Variants in CFAP20DC observed in about 807,000 individuals in gnomAD.
CFAP20DC encodes the protein protein CFAP20DC.
A neutral mutation model predicts 101.7 loss-of-function variants in CFAP20DC; 84 were observed. The ratio of observed to expected loss-of-function variants is 0.83; its 90% CI spans 0.69 to 0.99. The LOEUF (loss-of-function observed/expected upper bound fraction) is 0.99, where lower values mean the gene tolerates loss of function less well. Ranked by LOEUF, CFAP20DC falls within the 50% of genes least tolerant of loss-of-function variation. The pLI, the probability that CFAP20DC is intolerant of heterozygous loss-of-function variation, is 0.00. For missense variants in CFAP20DC, 1,007 were observed against 970.3 expected (o/e 1.04, Z -0.50); for synonymous variants, 359 against 351.2 (o/e 1.02, Z -0.25).
At chr3:59,046,147 T>A (rs543420909) in intron 3 of CFAP20DC, 82 bp downstream of exon 3, 2 of 937,232 alleles carry the variant, frequency 2.1e-6, no homozygotes, top group African/African-American at 1.7e-5. Context: ...GTAGAAGTCA[T>A]ACTAATGTGC....
chr3:59,004,839 CACATTA>C (rs978021647), intron 4 of CFAP20DC, among the ~76,000 whole-genome samples: 1 of 152,160 alleles, frequency 6.6e-6, no homozygotes, highest in Non-Finnish European at 1.5e-5. Flanking sequence ...TGAGCATCCC[CACATTA>C]GTGGATACCA....
intron 15 of CFAP20DC, among the ~76,000 whole-genome samples, chr3:58,759,000 A>G (rs965490168): frequency 5.3e-5 from 8 of 152,128 alleles, no homozygotes; most frequent in South Asian, 2.1e-4. Context: ...ATAAACATAC[A>G]TGTGCATGTG....
intron 13 of CFAP20DC, among the ~76,000 whole-genome samples, chr3:58,842,149 G>C (rs905267630): frequency 6.6e-6 from 1 of 152,202 alleles, no homozygotes. Flanking sequence ...AGAATTACCA[G>C]TACTCGGAGG....
At chr3:58,870,880 G>C (rs2080129371) in intron 7 of CFAP20DC, among the ~76,000 whole-genome samples, 1 of 101,990 alleles carries the variant, frequency 9.8e-6, no homozygotes, top group Non-Finnish European at 1.7e-5. Context: ...GGGCGACAGA[G>C]CGAGACTCCG....
chr3:58,830,208 C>T (rs1048355581), intron 14 of CFAP20DC, among the ~76,000 whole-genome samples: 10 of 152,000 alleles, frequency 6.6e-5, no homozygotes, highest in African/African-American at 2.2e-4. Context: ...AGCACTAATC[C>T]CCCCATCAAA....
chr3:58,786,547 A>C (rs2072354496), intron 15 of CFAP20DC, among the ~76,000 whole-genome samples: 1 of 152,074 alleles, frequency 6.6e-6, no homozygotes, highest in Admixed American at 6.6e-5. Flanking sequence ...GTCTTGTCCC[A>C]GACCTGAATC....
chr3:58,968,368 C>T (rs2091726335), intron 4 of CFAP20DC, among the ~76,000 whole-genome samples: 1 of 152,090 alleles, frequency 6.6e-6, no homozygotes, highest in African/African-American at 2.4e-5. Context: ...ACCTTGCCAG[C>T]ATGTTACTTT....
chr3:58,846,764 A>C (rs2077687009), intron 13 of CFAP20DC, among the ~76,000 whole-genome samples: 2 of 147,084 alleles, frequency 1.4e-5, no homozygotes, highest in Admixed American at 1.4e-4. Context: ...ACTTCAAACT[A>C]TACTACAAGG....
chr3:58,839,136 C>A (rs894456378), intron 13 of CFAP20DC, among the ~76,000 whole-genome samples: 1 of 152,182 alleles, frequency 6.6e-6, no homozygotes, highest in Non-Finnish European at 1.5e-5. Context: ...GACAGATATA[C>A]CAACATTTGT....
intron 14 of CFAP20DC, among the ~76,000 whole-genome samples, chr3:58,819,386 G>A (rs2075441452): frequency 1.3e-5 from 2 of 152,040 alleles, no homozygotes; most frequent in Non-Finnish European, 2.9e-5. Context: ...AAAATTGATA[G>A]ACCTCCAGCA....
chr3:58,928,975 C>G (rs1358071043), intron 5 of CFAP20DC, among the ~76,000 whole-genome samples: 1 of 152,060 alleles, frequency 6.6e-6, no homozygotes, highest in Non-Finnish European at 1.5e-5. Flanking sequence ...ATGAGGAAGA[C>G]AGATGAATTG....
chr3:58,937,837 T>C (rs565197134), intron 4 of CFAP20DC, 75 bp from the exon 5 acceptor site: 2 of 822,746 alleles, frequency 2.4e-6, no homozygotes, highest in East Asian at 2.6e-5. Flanking sequence ...ATCATCAAAA[T>C]GATATAATTT....
chr3:58,921,567 T>C (rs1239892028), intron 5 of CFAP20DC, among the ~76,000 whole-genome samples: 4 of 152,220 alleles, frequency 2.6e-5, no homozygotes, highest in East Asian at 1.9e-4. Context: ...TTTTTATTGA[T>C]ACATAATTTA....
At chr3:58,783,479 A>G (rs2072029659) in intron 15 of CFAP20DC, among the ~76,000 whole-genome samples, 1 of 151,884 alleles carries the variant, frequency 6.6e-6, no homozygotes, top group Non-Finnish European at 1.5e-5. Context: ...AACAAAAACC[A>G]ACCAACCAAA....
At chr3:59,035,518 C>G (rs1032228321) in intron 4 of CFAP20DC, among the ~76,000 whole-genome samples, 1 of 152,188 alleles carries the variant, frequency 6.6e-6, no homozygotes, top group African/African-American at 2.4e-5. Flanking sequence ...GATTTCACCA[C>G]TGATCCCACA....
At chr3:58,796,895 A>G (rs2073294116) in intron 15 of CFAP20DC, among the ~76,000 whole-genome samples, 1 of 152,204 alleles carries the variant, frequency 6.6e-6, no homozygotes, top group South Asian at 2.1e-4. Flanking sequence ...CGTGACAGTG[A>G]TCTTTGATGT....
At chr3:58,741,029 T>C, downstream of CFAP20DC, among the ~76,000 whole-genome samples, 1 of 152,224 alleles carries the variant, frequency 6.6e-6, no homozygotes, top group East Asian at 1.9e-4. Context: ...AAATAATGTA[T>C]GATACTTGGA....
At chr3:58,730,488 C>CG (rs1472634845) in intron 3 of CFAP20DC, among the ~76,000 whole-genome samples, 7 of 151,954 alleles carry the variant, frequency 4.6e-5, no homozygotes, top group Non-Finnish European at 1.0e-4. Context: ...TGATAAAGGC[C>CG]GGGGGGTGGA....
chr3:58,798,882 A>T (rs139798163), intron 15 of CFAP20DC, among the ~76,000 whole-genome samples: 2,041 of 152,264 alleles, frequency 0.013, 38 homozygotes, highest in African/African-American at 0.046. Context: ...GCAATAAAGT[A>T]TTTTCAAATT....
Sources: allele counts gnomAD v4.1 joint callset (sites outside exome capture counted in the v4.1 genomes callset), GRCh38; gene constraint gnomAD v4.1.1; transcripts MANE v1.5; gene names NCBI Gene and HGNC (gene_info 2026-07-23, HGNC 2026-07-21).